RYR1: variants seen among roughly 807,000 people sequenced by gnomAD.
RYR1 encodes the protein ryanodine receptor 1, also known as central core disease of muscle.
In RYR1, 342 loss-of-function variants were observed where a neutral mutation model predicts 583.5. That is an observed-to-expected ratio of 0.59 (90% CI 0.54 to 0.64). The LOEUF is 0.64. Ranked by LOEUF, RYR1 falls within the 30% of genes least tolerant of loss-of-function variation. The probability of loss-of-function intolerance (pLI) is 0.00; values close to 1 mark genes in which losing one functional copy is unlikely to be tolerated. For synonymous variants in RYR1, 2,791 were observed against 2,822.5 expected (o/e 0.99, Z 0.35); for missense variants, 6,032 against 6,917.2 (o/e 0.87, Z 4.54).
chr19:38,503,716 T>G (rs940067579), intron 49 of RYR1, among the ~76,000 whole-genome samples: 3 of 150,650 alleles, frequency 2.0e-5, no homozygotes, highest in Non-Finnish European at 2.9e-5. Context: ...GAGGTTGCAG[T>G]GAGCCGAGAT....
chr19:38,515,751 AG>A (rs1174990616), intron 64 of RYR1, among the ~76,000 whole-genome samples: 1 of 152,072 alleles, frequency 6.6e-6, no homozygotes, highest in African/African-American at 2.4e-5. Context: ...TGAGCAGCAT[AG>A]GGAGACTGCA....
rs1967099812 is a variant in RYR1 at position 38,452,008 on chromosome 19, G to A, written c.1244+123G>A. The A allele has an allele frequency of 4.4e-6, 6 of 1,369,468 alleles. No homozygotes were observed. The African/African-American group carries it at 8.6e-5, about 20-fold the overall frequency. The allele number at this position is 1,369,468 out of a possible 1,614,324, so 84.8% of individuals were successfully genotyped here. On this transcript the variant is annotated intron_variant, in intron 12 of 105. Coordinates refer to ENST00000359596, the MANE Select transcript of RYR1 (RefSeq NM_000540.3). Reference sequence around the variant, plus strand: ...ACACCCTTGTCTAACATATACATGGGCCAAGCGCAGTGGCTCACACCTGTA... The same window carrying A: ...ACACCCTTGTCTAACATATACATGGACCAAGCGCAGTGGCTCACACCTGTA...
At chr19:38,442,943 A>G (rs1440359170) in intron 3 of RYR1, among the ~76,000 whole-genome samples, 1 of 152,014 alleles carries the variant, frequency 6.6e-6, no homozygotes, top group Non-Finnish European at 1.5e-5. Flanking sequence ...TGGGTCCACC[A>G]TGTGATCACC....
At chr19:38,587,199 CTG>C (rs1256399329) in intron 105 of RYR1, 124 bp from the exon 106 acceptor site, 1 of 705,896 alleles carries the variant, frequency 1.4e-6, no homozygotes, top group Non-Finnish European at 2.6e-6. Flanking sequence ...CTGTAGTGAG[CTG>C]TGATTGTCGC....
Position 38,580,007 on chromosome 19 carries a change from T to C in RYR1, c.14390T>C (p.Met4797Thr), listed in dbSNP as rs991961585. 2 of 1,614,142 alleles carry C rather than the reference T, an allele frequency of 1.2e-6. No homozygotes were observed. Among genetic ancestry groups the C allele is most frequent in the Admixed American group, 3.3e-5 (2 of 59,990 alleles). ...TCCTTCCTGTACCTGGGCTGGTATA[T>C]GGTGATGTCCCTCTTGGGACACTAC... ...DNSFLYLGWY[M>T]VMSLLGHYNN... The change falls in exon 100 of 106, where the codon ATG becomes ACG. Residue 4797 changes from methionine to threonine, a missense_variant. Physicochemically the swap from Met to Thr is moderately conservative, Grantham distance 81. Around this residue, in one of 11 missense-constraint regions of RYR1, gnomAD observed 189 missense variants for 350.3 expected, o/e 0.54. Coordinates refer to ENST00000359596, the MANE Select transcript of RYR1 (RefSeq NM_000540.3).
chr19:38,512,127 T>A lies in RYR1; in HGVS notation c.9228T>A (p.Asp3076Glu). 1 of 1,614,174 alleles carries A rather than the reference T, an allele frequency of 6.2e-7. No individual in the cohort carries two copies. The highest frequency in any genetic ancestry group is 8.5e-7 in the Non-Finnish European group (1 of 1,180,020). The change falls in exon 62 of 106, where the codon GAT (aspartate) becomes GAA (glutamate). Residue 3076 changes from aspartate to glutamate, a missense_variant. Asp to Glu is a conservative substitution (Grantham distance 45, BLOSUM62 2). Transcript: ENST00000359596. The surrounding 1 kb of genome is among the most constrained non-coding windows in gnomAD (Gnocchi z 5.1). ...NCLHILARSL[D>E]ARTVMKSGPE... ...TTCACATCCTGGCCCGCTCCCTGGA[T>A]GCCAGGTAGGGCCATAGGCAGTGGC...
In RYR1 at chr19:38,527,048, G is replaced by A. The variant is rs1262502656; in HGVS notation, c.10682G>A (p.Gly3561Glu). Residue 3561 changes from glycine to glutamate, a missense_variant, in exon 72 of 106, where the codon GGA (glycine) becomes GAA (glutamate). By Grantham distance (98) the Gly-to-Glu change is moderately conservative. Around this residue, in one of 11 missense-constraint regions of RYR1, gnomAD observed 1,493 missense variants for 1,715.5 expected, o/e 0.87. Transcript: ENST00000359596. ...CTGCACAACAACCTTCACCTTCAGG[G>A]AAAGGTATGCCTCCTTCCTCTGCAA... The part of the protein sequence containing the change: ...EFLHNNLHLQ[G>E]KVEGSPSLRW... The A allele has an allele frequency of 6.2e-7, 1 of 1,613,886 alleles. No individual in the cohort carries two copies. The highest frequency in any genetic ancestry group is 1.7e-5 in the Admixed American group (1 of 60,008).
At chr19:38,559,401 T>G (rs1451814464) in intron 89 of RYR1, among the ~76,000 whole-genome samples, 2 of 151,778 alleles carry the variant, frequency 1.3e-5, no homozygotes, top group East Asian at 3.9e-4. Flanking sequence ...GCCTAACTAA[T>G]TTTTGTATTT....
rs1970403015 is a variant in RYR1 at position 38,505,481 on chromosome 19, A to C, written c.8400+83A>C. On this transcript the variant is annotated intron_variant, in intron 53 of 105. Transcript: ENST00000359596. ...ATTCGGGGAGGAGTGAGGCAATTTC[A>C]CATGTTTGCATCTAGGTGGATCTGT... 2.2e-5 allele frequency: 22 copies of C among 994,456 alleles called. 1 individual carries two copies. Among genetic ancestry groups the C allele is most frequent in the Middle Eastern group, 4.3e-4 (2 of 4,666 alleles). 61.6% of individuals were successfully genotyped at this position (994,456 alleles called of 1,614,324 possible).
chr19:38,555,652 G>T (rs935166291), intron 89 of RYR1, among the ~76,000 whole-genome samples: 7 of 152,148 alleles, frequency 4.6e-5, no homozygotes, highest in African/African-American at 1.4e-4. Context: ...TAACTTTCAT[G>T]TAACTATCAG....
At chr19:38,494,175 A>G (rs1371846785) in intron 38 of RYR1, among the ~76,000 whole-genome samples, 177 bp from the exon 39 acceptor site, 2 of 152,114 alleles carry the variant, frequency 1.3e-5, no homozygotes, top group Non-Finnish European at 2.9e-5. Context: ...TCTCTAAAAG[A>G]AAAAAAGGAA....
At chr19:38,563,017 G>A (rs1295931156) in intron 90 of RYR1, among the ~76,000 whole-genome samples, 1 of 152,144 alleles carries the variant, frequency 6.6e-6, no homozygotes, top group African/African-American at 2.4e-5. Flanking sequence ...TGCCTCTGCA[G>A]GAAGCCCCTG....
intron 54 of RYR1, 127 bp from the exon 55 acceptor site, chr19:38,506,176 G>A (rs988398893): frequency 1.9e-5 from 21 of 1,110,414 alleles, no homozygotes; most frequent in East Asian, 2.5e-5. Context: ...CTTAAGGAAA[G>A]GACAAGGGGT....
At position 38,476,981 on chromosome 19, in the gene RYR1, C is replaced by T. The variant is rs754490756; in HGVS notation, c.4294-729C>T. On this transcript the variant is annotated intron_variant, in intron 29 of 105. Transcript: ENST00000359596. ...TCCAGGAATTTGAGGCTGCAGGCTACGATGGTGCCTCTGCACTCCAGCCTG... is the reference window on the plus strand; with the variant it reads ...TCCAGGAATTTGAGGCTGCAGGCTATGATGGTGCCTCTGCACTCCAGCCTG... Among the ~76,000 whole-genome samples the T allele has an allele frequency of 3.2e-4, 48 of 150,320 alleles. 1 individual carries two copies. The highest frequency in any genetic ancestry group is 3.5e-4 in the Non-Finnish European group (24 of 67,808).
At position 38,548,396 on chromosome 19, in the gene RYR1, C is replaced by T. The variant is rs749141737; in HGVS notation, c.12258C>T (p.Leu4086=). 1 of 1,613,946 alleles carries T rather than the reference C, an allele frequency of 6.2e-7. No homozygotes were observed. The highest frequency in any genetic ancestry group is 1.7e-5 in the Admixed American group (1 of 59,968). ...FQDYVTDPRG[L]ISKKDFQKAM... is the part of the protein sequence containing the mutation. ...ACTACGTAACGGATCCCCGTGGCCT[C>T]ATCTCCAAGAAGGACTTCCAGAAGG... is the stretch of plus-strand genomic sequence containing the variant. The change falls in exon 89 of 106, where the codon CTC becomes CTT. Residue 4086 remains leucine (L), a synonymous_variant. Transcript: ENST00000359596.
Position 38,472,125 on chromosome 19 carries a change from G to A in RYR1, c.3766-1252G>A, listed in dbSNP as rs557822071. On this transcript the variant is annotated intron_variant, in intron 27 of 105. Transcript: ENST00000359596. ...TTTGGTTTTTGTTTTTTGAGACTGG[G>A]TCTCACTCTGTCACCCAGGCTGGAG... is the stretch of plus-strand genomic sequence containing the variant. Among the ~76,000 whole-genome samples, 4 of 152,066 alleles carry A rather than the reference G, an allele frequency of 2.6e-5. No individual in the cohort carries two copies. In the South Asian group the frequency reaches 8.3e-4, roughly 32 times the overall value.
At chr19:38,516,039 C>A in intron 64 of RYR1, 48 bp from the exon 65 acceptor site, 1 of 1,535,624 alleles carries the variant, frequency 6.5e-7, no homozygotes, top group Non-Finnish European at 8.8e-7. Flanking sequence ...GGACCCAGGA[C>A]CCCAAAGAGG....
chr19:38,527,761 G>A lies in RYR1; in HGVS notation c.10801G>A (p.Ala3601Thr), dbSNP rs759031331. Residue 3601 changes from alanine (A) to threonine (T), a missense_variant, in exon 73 of 106, where the codon GCC becomes ACC. Coordinates refer to ENST00000359596, the MANE Select transcript of RYR1 (RefSeq NM_000540.3). ...KIVRRVQEVSAVLYYLDQTEH... is the reference protein window; with the variant it reads ...KIVRRVQEVSTVLYYLDQTEH... ...CGTGCGCAGAGTCCAGGAAGTGTCA[G>A]CCGTGCTCTACTACCTGGACCAGGT... 1.2e-6 allele frequency: 2 copies of A among 1,614,100 alleles called. No individual in the cohort carries two copies. Among genetic ancestry groups the A allele is most frequent in the Non-Finnish European group, 8.5e-7 (1 of 1,180,022 alleles).
chr19:38,553,361 A>G (rs1972747538), intron 89 of RYR1, among the ~76,000 whole-genome samples: 1 of 148,240 alleles, frequency 6.7e-6, no homozygotes, highest in Non-Finnish European at 1.5e-5. Flanking sequence ...AAATCAAAAT[A>G]TAGCCAGGTG....
Sources: gnomAD v4.1 joint callset for allele counts (sites outside exome capture counted in the v4.1 genomes callset) on GRCh38, gnomAD v4.1.1 for gene constraint, gnomAD v4.1.1 regional missense constraint, Gnocchi (gnomAD v3.1) non-coding constraint, MANE v1.5 for transcripts, NCBI Gene and HGNC (gene_info 2026-07-23, HGNC 2026-07-21) for gene names.